The following PGGHG variants were observed in gnomAD, a reference collection of about 807,000 sequenced individuals.
PGGHG encodes protein-glucosylgalactosylhydroxylysine glucosidase, also known as ATH1, acid trehalase-like 1.
Under a neutral mutation model 74.5 loss-of-function variants are expected in PGGHG, and 67 were observed. That is an observed-to-expected ratio of 0.90 (90% CI 0.74 to 1.10). The LOEUF (loss-of-function observed/expected upper bound fraction) is 1.10, where lower values mean the gene tolerates loss of function less well. Ranked by LOEUF, PGGHG falls within the 50% of genes least tolerant of loss-of-function variation. The pLI is 0.00. For synonymous variants in PGGHG, 496 were observed against 419.9 expected (o/e 1.18, Z -2.21); for missense variants, 1,034 against 981.5 (o/e 1.05, Z -0.72).
At chr11:291,947 G>A (rs374794121) in intron 4 of PGGHG, 29 bp from the exon 5 acceptor site, 16 of 1,581,422 alleles carry the variant, frequency 1.0e-5, no homozygotes, top group East Asian at 6.8e-5. Flanking sequence ...CGGCCTGTCC[G>A]GCGCTAGAAC....
chr11:289,669 T>G lies in PGGHG; in HGVS notation c.-13-135T>G. The G allele has an allele frequency of 8.7e-7, 1 of 1,154,198 alleles. No individual in the cohort carries two copies. The highest frequency in any genetic ancestry group is 1.2e-6 in the Non-Finnish European group (1 of 843,992). The allele number at this position is 1,154,198 out of a possible 1,614,324, so 71.5% of individuals were successfully genotyped here. A position where few individuals can be genotyped will look rare whatever the true frequency, so the allele number is the denominator to read the frequency against. Reference sequence around the variant, plus strand: ...TGCGAGGCCCCGTCTAGGAGGGGCCTCAGGAAAATCGGGGCTGCCCAGCTG... The same window carrying G: ...TGCGAGGCCCCGTCTAGGAGGGGCCGCAGGAAAATCGGGGCTGCCCAGCTG... On this transcript the variant is annotated intron_variant, in intron 1 of 13. Transcript: ENST00000409548. This position sits in a 1 kb window ranked among gnomAD's most constrained non-coding sequence, Gnocchi z 5.6.
At chr11:290,260 C>T (rs957397404) in intron 2 of PGGHG, 130 bp from the exon 3 acceptor site, 97 of 1,352,360 alleles carry the variant, frequency 7.2e-5, no homozygotes, top group Middle Eastern at 5.1e-4. Flanking sequence ...GCAGCTGTAG[C>T]GGGAACGAGC....
Position 293,411 on chromosome 11 carries a change from C to T in PGGHG, c.1389C>T (p.Ile463=). The T allele has an allele frequency of 1.2e-6, 2 of 1,612,744 alleles. No individual in the cohort carries two copies. The highest frequency in any genetic ancestry group is 1.3e-5 in the African/African-American group (1 of 75,036). The change falls in exon 9 of 14, where the codon ATC becomes ATT. Residue 463 remains isoleucine, a synonymous_variant. Coordinates refer to ENST00000409548, the MANE Select transcript of PGGHG (RefSeq NM_025092.5). ...AALAQDLGLP[I]PSQWLAVADK... ...TGGCCCAGGACCTGGGTCTTCCCAT[C>T]CCCAGCCAGTGGCTGGCGGTGGCTG...
rs761188249 is a variant in PGGHG, at chr11:291,026, A to T, written c.819A>T (p.Pro273=). The part of the protein sequence containing the change: ...LLSALPQPKA[P]GYICHGLSPG... Reference sequence around the variant, plus strand: ...GTGCCCTGCCCCAGCCCAAGGCCCCAGGATACATCTGCCATGGCCTCAGTC... The same window carrying T: ...GTGCCCTGCCCCAGCCCAAGGCCCCTGGATACATCTGCCATGGCCTCAGTC... Residue 273 remains proline (P), a synonymous_variant, in exon 4 of 14, where the codon CCA becomes CCT. Coordinates refer to ENST00000409548, the MANE Select transcript of PGGHG (RefSeq NM_025092.5). 18 of 1,612,490 alleles carry T rather than the reference A, an allele frequency of 1.1e-5. No homozygotes were observed. The highest frequency in any genetic ancestry group is 1.4e-5 in the Non-Finnish European group (17 of 1,179,786).
intron 4 of PGGHG, chr11:291,531 CG>C: frequency 4.1e-6 from 1 of 245,386 alleles, no homozygotes; most frequent in Non-Finnish European, 7.9e-6. Flanking sequence ...ACGGGGGTGA[CG>C]GGGACGCTGA....
rs746640274 is a variant in PGGHG, at chr11:290,375, C to G, written c.260-15C>G. The G allele has an allele frequency of 5.7e-5, 88 of 1,539,560 alleles. No individual in the cohort carries two copies. The highest frequency in any genetic ancestry group is 2.0e-5 in the Non-Finnish European group (23 of 1,146,372). On this transcript the variant is annotated splice_polypyrimidine_tract_variant and intron_variant, in intron 2 of 13. Coordinates refer to ENST00000409548, the MANE Select transcript of PGGHG (RefSeq NM_025092.5). The stretch of plus-strand genomic sequence containing the variant: ...TAGCTTGGCAACCCACCTGCCTTCG[C>G]TTCTGCCTCCCCAGGCTCCTTTCTT...
chr11:291,338 G>A (rs969145306), intron 4 of PGGHG: 14 of 531,340 alleles, frequency 2.6e-5, no homozygotes, highest in African/African-American at 9.6e-5. Flanking sequence ...TTTCCAGAGC[G>A]TGGGGAGGGG....
chr11:294,412 G>C lies in PGGHG; in HGVS notation c.1954G>C (p.Gly652Arg), dbSNP rs2134031148. 6.3e-7 allele frequency: 1 copy of C among 1,589,532 alleles called. No homozygotes were observed. Among genetic ancestry groups the C allele is most frequent in the East Asian group, 2.3e-5 (1 of 44,360 alleles). Reference sequence around the variant, plus strand: ...GACCGTGGAGGTCACAGCTCGAGCAGGGCCCTGGGCTCCTCACCTGGAGGC... The same window carrying C: ...GACCGTGGAGGTCACAGCTCGAGCACGGCCCTGGGCTCCTCACCTGGAGGC... ...SVTVEVTARA[G>R]PWAPHLEAEL... The change falls in exon 13 of 14, where the codon GGG becomes CGG. Residue 652 changes from glycine to arginine, a missense_variant. Gly to Arg is a moderately radical substitution (Grantham distance 125, BLOSUM62 -2). Coordinates refer to ENST00000409548, the MANE Select transcript of PGGHG (RefSeq NM_025092.5).
chr11:294,406 C>A lies in PGGHG; in HGVS notation c.1948C>A (p.Arg650=). The change falls in exon 13 of 14, where the codon CGA becomes AGA. Residue 650 remains arginine, a synonymous_variant. Transcript: ENST00000409548. ...EDSVTVEVTA[R]AGPWAPHLEA... ...CTCCGTGACCGTGGAGGTCACAGCT[C>A]GAGCAGGGCCCTGGGCTCCTCACCT... 1 of 1,597,286 alleles carries A rather than the reference C, an allele frequency of 6.3e-7. No homozygotes were observed. The highest frequency in any genetic ancestry group is 8.5e-7 in the Non-Finnish European group (1 of 1,171,740).
At chr11:291,715 A>C in intron 4 of PGGHG, 2 of 434,914 alleles carry the variant, frequency 4.6e-6, no homozygotes, top group Non-Finnish European at 8.2e-6. Flanking sequence ...GCCCATGCGC[A>C]TATTCGGGCT....
At chr11:291,421 T>G in intron 4 of PGGHG, 1 of 357,870 alleles carries the variant, frequency 2.8e-6, no homozygotes, top group Non-Finnish European at 5.1e-6. Flanking sequence ...CGCTTGGAGT[T>G]TACCTGAGGG....
rs984721267 is a variant in PGGHG at position 289,620 on chromosome 11, C to G, written c.-13-184C>G. 2.8e-6 allele frequency: 2 copies of G among 715,800 alleles called. No homozygotes were observed. The highest frequency in any genetic ancestry group is 4.5e-6 in the Non-Finnish European group (2 of 445,994). The allele number at this position is 715,800 out of a possible 1,614,324, so 44.3% of individuals were successfully genotyped here. On this transcript the variant is annotated intron_variant, in intron 1 of 13. Transcript: ENST00000409548. This position sits in a 1 kb window ranked among gnomAD's most constrained non-coding sequence, Gnocchi z 5.6. ...GAGATCAACCTTTGGGGTCTGAGCC[C>G]CTCTGAGAGTCGAGCTCCTTTCCTG...
In PGGHG at chr11:294,660, G is replaced by A. The variant is rs1845827686; in HGVS notation, c.2125G>A (p.Val709Ile). ...SEFPGRTFSDVRDPLQSPLWV... is the reference protein window; with the variant it reads ...SEFPGRTFSDIRDPLQSPLWV... Reference sequence around the variant, plus strand: ...GTTCCCTGGGAGGACTTTTTCAGATGTTAGGGACCCGCTCCAGAGCCCCCT... The same window carrying A: ...GTTCCCTGGGAGGACTTTTTCAGATATTAGGGACCCGCTCCAGAGCCCCCT... The change falls in exon 14 of 14, where the codon GTT becomes ATT. Residue 709 changes from valine (V) to isoleucine (I), a missense_variant. Val to Ile is a conservative substitution (Grantham distance 29, BLOSUM62 3). Transcript: ENST00000409548. 1 of 1,613,580 alleles carries A rather than the reference G, an allele frequency of 6.2e-7. No homozygotes were observed. Among genetic ancestry groups the A allele is most frequent in the African/African-American group, 1.3e-5 (1 of 74,880 alleles).
In PGGHG at chr11:294,877, C is replaced by T. The variant is rs934917076; in HGVS notation, c.*128C>T. 3.4e-5 allele frequency: 40 copies of T among 1,163,726 alleles called. No individual in the cohort carries two copies. The highest frequency in any genetic ancestry group is 6.2e-5 in the African/African-American group (4 of 64,076). The allele number at this position is 1,163,726 out of a possible 1,614,324, so 72.1% of individuals were successfully genotyped here. A position where few individuals can be genotyped will look rare whatever the true frequency, so the allele number is the denominator to read the frequency against. ...GCCAGGCTCTCAGGGAAGGTCCATGCTGCTTGGCCTGAGTTCAAGGCTTTC... is the reference window on the plus strand; with the variant it reads ...GCCAGGCTCTCAGGGAAGGTCCATGTTGCTTGGCCTGAGTTCAAGGCTTTC... On this transcript the variant is annotated 3_prime_UTR_variant, in exon 14 of 14. Transcript: ENST00000409548.
At position 294,150 on chromosome 11, in the gene PGGHG, A is replaced by G. The variant is rs1225247765; in HGVS notation, c.1762A>G (p.Met588Val). ...AGGCGCTGTGAACTTCCTGACAGGC[A>G]TGGGGGGCTTCCTGCAGGCGGTGGT... ...GSGAVNFLTGMGGFLQAVVFG... is the reference protein window; with the variant it reads ...GSGAVNFLTGVGGFLQAVVFG... Residue 588 changes from methionine (M) to valine (V), a missense_variant, in exon 12 of 14, where the codon ATG (methionine) becomes GTG (valine). Met to Val is a conservative substitution (Grantham distance 21, BLOSUM62 1). Coordinates refer to ENST00000409548, the MANE Select transcript of PGGHG (RefSeq NM_025092.5). 5 of 1,612,864 alleles carry G rather than the reference A, an allele frequency of 3.1e-6. No individual in the cohort carries two copies. Among genetic ancestry groups the G allele is most frequent in the Non-Finnish European group, 3.4e-6 (4 of 1,179,480 alleles).
Position 295,731 on chromosome 11 carries a change from G to C in PGGHG, c.*982G>C, listed in dbSNP as rs1244023377. 6.6e-6 allele frequency: 1 copy of C among 152,304 alleles called. No homozygotes were observed. The highest frequency in any genetic ancestry group is 2.4e-5 in the African/African-American group (1 of 41,468). The allele number at this position is 152,304 out of a possible 1,614,324, so 9.4% of individuals were successfully genotyped here. On this transcript the variant is annotated 3_prime_UTR_variant, in exon 14 of 14. Transcript: ENST00000409548. ...TTCTGAAGTGAGGGCCGTGCCCCGG[G>C]TCCCATTTCTCCTTTCACTTGAGTC...
At position 292,956 on chromosome 11, in the gene PGGHG, G is replaced by A. The variant is rs775263042; in HGVS notation, c.1229G>A (p.Arg410His). Residue 410 changes from arginine to histidine, a missense_variant, in exon 7 of 14, where the codon CGT (arginine) becomes CAT (histidine). Transcript: ENST00000409548. Reference sequence around the variant, plus strand: ...GCTGTGGCCGAGTTTTGGTGCAGTCGTGTTGAGTGGAGCCCCAGGGAGGAA... The same window carrying A: ...GCTGTGGCCGAGTTTTGGTGCAGTCATGTTGAGTGGAGCCCCAGGGAGGAA... ...VRAVAEFWCS[R>H]VEWSPREEKY... The A allele has an allele frequency of 9.3e-6, 15 of 1,613,980 alleles. No homozygotes were observed. The highest frequency in any genetic ancestry group is 1.7e-5 in the Admixed American group (1 of 59,988).
chr11:289,803 G>T lies in PGGHG; in HGVS notation c.-13-1G>T. ...CCCTGACACCCCATCAGGCCGCTCA[G>T]GCCCAGCAGCTCCATGGAGGACGCC... On this transcript the variant is annotated splice_acceptor_variant, in intron 1 of 13. Coordinates refer to ENST00000409548, the MANE Select transcript of PGGHG (RefSeq NM_025092.5). LOFTEE classifies it low-confidence loss of function (5UTR_SPLICE). The surrounding 1 kb of genome is among the most constrained non-coding windows in gnomAD (Gnocchi z 5.6). 2 of 1,546,776 alleles carry T rather than the reference G, an allele frequency of 1.3e-6. No homozygotes were observed. The highest frequency in any genetic ancestry group is 1.2e-5 in the South Asian group (1 of 83,624).
rs1247114626 is a variant in PGGHG at position 290,002 on chromosome 11, C to T, written c.186C>T (p.Leu62=). ...ACCGGGCCATGCTGCCCAGCCCCCT[C>T]AACGTCCGGCTGGAGGCCCCTGCAG... ...DTHRAMLPSP[L]NVRLEAPAGM... is the part of the protein sequence containing the mutation. Residue 62 remains leucine, a synonymous_variant, in exon 2 of 14, where the codon CTC becomes CTT. Coordinates refer to ENST00000409548, the MANE Select transcript of PGGHG (RefSeq NM_025092.5). The T allele has an allele frequency of 6.5e-7, 1 of 1,548,150 alleles. No individual in the cohort carries two copies. Among genetic ancestry groups the T allele is most frequent in the Admixed American group, 2.0e-5 (1 of 51,002 alleles).
Sources: gnomAD v4.1 joint callset for allele counts on GRCh38, gnomAD v4.1.1 for gene constraint, Gnocchi (gnomAD v3.1) non-coding constraint, MANE v1.5 for transcripts, NCBI Gene and HGNC (gene_info 2026-07-23, HGNC 2026-07-21) for gene names.